EYS: variants seen among roughly 807,000 people sequenced by gnomAD.
EYS encodes the protein EGF-like photoreceptor maintenance factor.
Under a neutral mutation model 282.1 loss-of-function variants are expected in EYS, and 250 were observed. The ratio of observed to expected loss-of-function variants is 0.89; its 90% CI spans 0.80 to 0.98. The LOEUF is 0.98. Among genes scored for constraint, EYS ranks in the 50% least tolerant of loss-of-function variants. The pLI is 0.00. For synonymous variants in EYS, 1,355 were observed against 1,282.9 expected (o/e 1.06, Z -1.20); for missense variants, 4,016 against 3,709.0 (o/e 1.08, Z -2.15).
chr6:64,641,585 A>G (rs1177189391), intron 22 of EYS, among the ~76,000 whole-genome samples: 1 of 151,958 alleles, frequency 6.6e-6, no homozygotes, highest in African/African-American at 2.4e-5. Context: ...TTGGGGGTGA[A>G]TTTCACTTTG....
chr6:64,330,320 C>G (rs1770591298), intron 29 of EYS, among the ~76,000 whole-genome samples: 1 of 152,136 alleles, frequency 6.6e-6, no homozygotes, highest in Non-Finnish European at 1.5e-5. Flanking sequence ...CACTGGACAA[C>G]AAGTGTGGGA....
At chr6:65,142,479 AACACACACAC>A (rs71268364) in intron 12 of EYS, among the ~76,000 whole-genome samples, 95 of 135,000 alleles carry the variant, frequency 7.0e-4, no homozygotes, top group African/African-American at 1.9e-3. Flanking sequence ...AGAAATACAA[AACACACACAC>A]ACACACACAC....
intron 22 of EYS, among the ~76,000 whole-genome samples, chr6:64,666,607 T>C (rs1248048912): frequency 6.6e-6 from 1 of 152,240 alleles, no homozygotes. Context: ...AAATTATTGC[T>C]AAATAATACC....
At chr6:64,693,865 A>T (rs1770485144) in intron 22 of EYS, among the ~76,000 whole-genome samples, 1 of 152,180 alleles carries the variant, frequency 6.6e-6, no homozygotes, top group African/African-American at 2.4e-5. Flanking sequence ...CATACATCAA[A>T]CTAAAGAATT....
intron 22 of EYS, among the ~76,000 whole-genome samples, chr6:64,648,563 A>T (rs1331203027): frequency 1.3e-5 from 2 of 152,190 alleles, no homozygotes; most frequent in Non-Finnish European, 2.9e-5. Flanking sequence ...AAACTGATTG[A>T]TAATAAATTA....
At chr6:64,875,239 G>A (rs539783396) in intron 19 of EYS, among the ~76,000 whole-genome samples, 39 of 152,042 alleles carry the variant, frequency 2.6e-4, no homozygotes, top group Non-Finnish European at 5.1e-4. Flanking sequence ...GTGTGTGTGT[G>A]TGCTGAGGAA....
intron 30 of EYS, among the ~76,000 whole-genome samples, chr6:64,295,996 C>CA (rs1444647051): frequency 1.3e-5 from 2 of 151,970 alleles, no homozygotes; most frequent in Non-Finnish European, 2.9e-5. Flanking sequence ...ATTTTGGCAG[C>CA]AAAAAATTGT....
chr6:64,687,953 C>T (rs906501542), intron 22 of EYS, among the ~76,000 whole-genome samples: 3 of 151,948 alleles, frequency 2.0e-5, no homozygotes, highest in African/African-American at 7.2e-5. Flanking sequence ...TTAGTCTTTG[C>T]AGGGTGTATG....
chr6:64,198,436 C>T (rs1162359128), intron 31 of EYS, among the ~76,000 whole-genome samples: 1 of 151,972 alleles, frequency 6.6e-6, no homozygotes, highest in Non-Finnish European at 1.5e-5. Flanking sequence ...TCTTAAGTCC[C>T]ACATTAATTC....
chr6:64,454,015 A>AT (rs1775467666), intron 26 of EYS, among the ~76,000 whole-genome samples: 1 of 150,954 alleles, frequency 6.6e-6, no homozygotes, highest in Non-Finnish European at 1.5e-5. Flanking sequence ...AATAATAATA[A>AT]AAAAAAAATT....
At chr6:63,864,878 G>A (rs921525921) in intron 35 of EYS, among the ~76,000 whole-genome samples, 1 of 152,182 alleles carries the variant, frequency 6.6e-6, no homozygotes, top group East Asian at 1.9e-4. Context: ...TTAAAATATG[G>A]TTTGGTGGCC....
intron 12 of EYS, among the ~76,000 whole-genome samples, chr6:65,174,419 A>T (rs987457396): frequency 6.6e-5 from 10 of 151,320 alleles, no homozygotes; most frequent in Non-Finnish European, 1.3e-4. Flanking sequence ...CCTTTGAAAA[A>T]GGAAATTGCC....
chr6:64,833,496 A>G (rs1765285415), intron 19 of EYS, among the ~76,000 whole-genome samples: 1 of 151,844 alleles, frequency 6.6e-6, no homozygotes, highest in African/African-American at 2.4e-5. Flanking sequence ...TTCTGTGACT[A>G]TGCAGACTTC....
intron 19 of EYS, among the ~76,000 whole-genome samples, chr6:64,851,624 AG>A (rs1185209419): frequency 6.6e-6 from 1 of 152,162 alleles, no homozygotes; most frequent in Non-Finnish European, 1.5e-5. Context: ...GCCATAAAAA[AG>A]AATGAGATCG....
At chr6:64,975,469 T>A in intron 14 of EYS, among the ~76,000 whole-genome samples, 1 of 151,856 alleles carries the variant, frequency 6.6e-6, no homozygotes, top group Non-Finnish European at 1.5e-5. Context: ...TTCCCTTATT[T>A]TTTTAAAAAA....
At chr6:64,044,794 G>GT (rs2149839501) in intron 33 of EYS, among the ~76,000 whole-genome samples, 1 of 152,174 alleles carries the variant, frequency 6.6e-6, no homozygotes, top group African/African-American at 2.4e-5. Flanking sequence ...ATGCCAAGCT[G>GT]TTTTGTTGAT....
intron 31 of EYS, among the ~76,000 whole-genome samples, chr6:64,185,003 T>C (rs985393482): frequency 3.3e-4 from 50 of 152,012 alleles, no homozygotes; most frequent in Admixed American, 1.5e-3. Flanking sequence ...GGAGTCTTCA[T>C]GAATGAGGTC....
intron 7 of EYS, among the ~76,000 whole-genome samples, chr6:65,385,011 T>C (rs989405938): frequency 6.6e-6 from 1 of 151,872 alleles, no homozygotes; most frequent in Non-Finnish European, 1.5e-5. Context: ...AAACAATCTA[T>C]ATTCCAGTCT....
intron 13 of EYS, among the ~76,000 whole-genome samples, chr6:64,997,995 C>T (rs1771331069): frequency 6.6e-6 from 1 of 151,936 alleles, no homozygotes; most frequent in Admixed American, 6.6e-5. Context: ...ATTTTACTTG[C>T]TCTCTCTTGT....
Sources: gnomAD v4.1 joint callset for allele counts (sites outside exome capture counted in the v4.1 genomes callset) on GRCh38, gnomAD v4.1.1 for gene constraint, MANE v1.5 for transcripts, NCBI Gene and HGNC (gene_info 2026-07-23, HGNC 2026-07-21) for gene names.